The following WNK2 variants were observed in gnomAD, a reference collection of about 807,000 sequenced individuals.
WNK2 encodes serine/threonine-protein kinase WNK2.
Under a neutral mutation model 192.1 loss-of-function variants are expected in WNK2, and 67 were observed. The observed-to-expected ratio is 0.35, with a 90% CI of 0.29 to 0.43. The LOEUF (loss-of-function observed/expected upper bound fraction) is 0.43. Among genes scored for constraint, WNK2 ranks in the 20% least tolerant of loss-of-function variants. The probability of loss-of-function intolerance (pLI) is 1.00; values close to 1 mark genes in which losing one functional copy is unlikely to be tolerated. For synonymous variants in WNK2, 1,439 were observed against 1,393.9 expected, an observed-to-expected ratio of 1.03 and a Z score of -0.72; for missense variants, 2,698 against 3,089.7, an observed-to-expected ratio of 0.87 and a Z score of 3.01.
At chr9:93,253,172 CAG>C (rs1842831957) in intron 9 of WNK2, 90 bp downstream of exon 9, 1 of 1,134,672 alleles carries the variant, frequency 8.8e-7, no homozygotes, top group African/African-American at 1.6e-5. Context: ...ATGGGCTGTC[CAG>C]GCTGCACTGC....
intron 5 of WNK2, among the ~76,000 whole-genome samples, chr9:93,237,407 C>A (rs993856404): frequency 6.6e-6 from 1 of 152,184 alleles, no homozygotes. Context: ...CAGGTTCACT[C>A]GTCTTTTTTC....
intron 19 of WNK2, among the ~76,000 whole-genome samples, chr9:93,283,880 A>G (rs1289656857): frequency 6.6e-6 from 1 of 152,218 alleles, no homozygotes; most frequent in Non-Finnish European, 1.5e-5. Context: ...TTGGAGTGCC[A>G]CTACCCAACA....
At chr9:93,319,302 G>A in intron 29 of WNK2, 1 of 1,452,588 alleles carries the variant, frequency 6.9e-7, no homozygotes, top group Non-Finnish European at 9.1e-7. Context: ...AGCCAGTTCT[G>A]GGCTCAGCTG....
At chr9:93,266,857 T>G (rs1845244638) in intron 16 of WNK2, among the ~76,000 whole-genome samples, 1 of 152,090 alleles carries the variant, frequency 6.6e-6, no homozygotes, top group South Asian at 2.1e-4. Context: ...AGCATCTCGG[T>G]GACTGCAGAG....
chr9:93,311,609 T>TGTTTGTGTGTGTG (rs1554755193), intron 28 of WNK2, among the ~76,000 whole-genome samples: 1 of 30,712 alleles, frequency 3.3e-5, no homozygotes, highest in African/African-American at 8.0e-5. Flanking sequence ...CTGGGTTTTT[T>TGTTTGTGTGTGTG]TGTTTGTGTG....
intron 2 of WNK2, among the ~76,000 whole-genome samples, chr9:93,190,232 A>C (rs1184560819): frequency 6.6e-6 from 1 of 152,088 alleles, no homozygotes; most frequent in Non-Finnish European, 1.5e-5. Context: ...TGTGGGCGCC[A>C]AGCTCTCAGT....
rs1849062477 is a variant in WNK2 at position 93,289,984 on chromosome 9, A to G, written c.4873A>G (p.Lys1625Glu). The change falls in exon 21 of 30, where the codon AAG becomes GAG. Residue 1625 changes from lysine (K) to glutamate (E), a missense_variant. Physicochemically the swap from Lys to Glu is moderately conservative, Grantham distance 56 (BLOSUM62 1). This residue lies in a region of WNK2 where 1,098 missense variants were observed against 1,101.0 expected (regional missense o/e 1.00). Coordinates refer to ENST00000427277, the MANE Select transcript of WNK2 (RefSeq NM_006648.4). The stretch of plus-strand genomic sequence containing the variant: ...TTTGTGTTTCTTTCTCCAGGTGGAG[A>G]AGTCAGAACTGGCCCCCACTCGAGG... ...RVQLPQPLVE[K>E]SELAPTRGAV... 6.4e-7 allele frequency: 1 copy of G among 1,571,724 alleles called. No homozygotes were observed. The highest frequency in any genetic ancestry group is 8.6e-7 in the Non-Finnish European group (1 of 1,157,536).
At chr9:93,208,737 G>GTGTTCTTTGTA in intron 2 of WNK2, among the ~76,000 whole-genome samples, 6 of 456 alleles carry the variant, frequency 0.013, no homozygotes, top group Admixed American at 0.062. Context: ...CGTGTTCTGT[G>GTGTTCTTTGTA]TGTGTTCATG....
At chr9:93,260,688 G>A (rs1844081692) in intron 12 of WNK2, among the ~76,000 whole-genome samples, 1 of 152,220 alleles carries the variant, frequency 6.6e-6, no homozygotes, top group Non-Finnish European at 1.5e-5. Flanking sequence ...AGAGAAGGAA[G>A]GGATGGTACA....
chr9:93,204,538 CCAAGGTG>C (rs1489999851), intron 2 of WNK2, among the ~76,000 whole-genome samples: 1 of 152,168 alleles, frequency 6.6e-6, no homozygotes, highest in Non-Finnish European at 1.5e-5. Flanking sequence ...TGTCGGGTAC[CCAAGGTG>C]CCTGGCATGG....
At chr9:93,212,457 CT>C (rs1393832342) in intron 2 of WNK2, among the ~76,000 whole-genome samples, 1 of 152,208 alleles carries the variant, frequency 6.6e-6, no homozygotes, top group Admixed American at 6.5e-5. Flanking sequence ...CTCAGAGGCT[CT>C]TATCTTGAGC....
Position 93,320,495 on chromosome 9 carries a change from A to G in WNK2, c.*103A>G. On this transcript the variant is annotated 3_prime_UTR_variant, in exon 30 of 30. Transcript: ENST00000427277. The stretch of plus-strand genomic sequence containing the variant: ...GTCCAGTTCACGCTGTTTTGTAACC[A>G]CTTTCTAAGCATTTTTTATTCACAA... 8.3e-7 allele frequency: 1 copy of G among 1,198,726 alleles called. No homozygotes were observed. The highest frequency in any genetic ancestry group is 1.1e-6 in the Non-Finnish European group (1 of 879,996). The allele number at this position is 1,198,726 out of a possible 1,614,324, so 74.3% of individuals were successfully genotyped here. A position where few individuals can be genotyped will look rare whatever the true frequency, so the allele number is the denominator to read the frequency against.
At chr9:93,232,378 A>G (rs886691172) in intron 4 of WNK2, among the ~76,000 whole-genome samples, 1 of 152,076 alleles carries the variant, frequency 6.6e-6, no homozygotes, top group Non-Finnish European at 1.5e-5. Context: ...AAATGGGTAT[A>G]TAGGTGAGGG....
At chr9:93,251,092 T>C (rs1161903145) in intron 8 of WNK2, among the ~76,000 whole-genome samples, 2 of 151,422 alleles carry the variant, frequency 1.3e-5, no homozygotes, top group African/African-American at 4.9e-5. Flanking sequence ...TGGCCCATAT[T>C]CACTTTATTT....
At chr9:93,186,061 T>C (rs1829264400) in intron 2 of WNK2, among the ~76,000 whole-genome samples, 1 of 152,172 alleles carries the variant, frequency 6.6e-6, no homozygotes, top group South Asian at 2.1e-4. Flanking sequence ...TTGGGGGCTC[T>C]GGGCTGCCCA....
intron 2 of WNK2, among the ~76,000 whole-genome samples, chr9:93,217,501 C>A (rs1428751521): frequency 6.6e-6 from 1 of 152,122 alleles, no homozygotes; most frequent in Non-Finnish European, 1.5e-5. Flanking sequence ...GTGCTGTGTA[C>A]CTGCCGTCTC....
intron 2 of WNK2, among the ~76,000 whole-genome samples, chr9:93,195,023 A>T (rs1196914740): frequency 9.9e-6 from 1 of 101,086 alleles, no homozygotes; most frequent in Non-Finnish European, 1.9e-5. Context: ...GAAGACAGTT[A>T]AAAAAAAAAA....
Position 93,185,179 on chromosome 9 carries a change from C to T in WNK2, c.250C>T (p.Leu84Phe). ...RVLLLCKTRR[L>F]IAERARGRPA... is the part of the protein sequence containing the mutation. ...GCTTCTGCTCTGCAAGACGCGCCGCCTCATCGCGGAGCGCGCCCGCGGACG... is the reference window on the plus strand; with the variant it reads ...GCTTCTGCTCTGCAAGACGCGCCGCTTCATCGCGGAGCGCGCCCGCGGACG... The change falls in exon 2 of 30, where the codon CTC (leucine) becomes TTC (phenylalanine). Residue 84 changes from leucine to phenylalanine, a missense_variant. Leu to Phe is a conservative substitution (Grantham distance 22). Transcript: ENST00000427277. 1.7e-6 allele frequency: 2 copies of T among 1,205,618 alleles called. No homozygotes were observed. The highest frequency in any genetic ancestry group is 2.1e-6 in the Non-Finnish European group (2 of 967,300). 74.7% of individuals were successfully genotyped at this position (1,205,618 alleles called of 1,614,324 possible).
intron 3 of WNK2, 95 bp from the exon 4 acceptor site, chr9:93,230,793 C>T (rs2132035357): frequency 8.6e-7 from 1 of 1,163,678 alleles, no homozygotes; most frequent in East Asian, 2.6e-5. Flanking sequence ...CGGGAATGGA[C>T]TTTGTACCAG....
Sources: allele counts gnomAD v4.1 joint callset (sites outside exome capture counted in the v4.1 genomes callset), GRCh38; gene constraint gnomAD v4.1.1; regional missense constraint gnomAD v4.1.1; transcripts MANE v1.5; gene names NCBI Gene and HGNC (gene_info 2026-07-23, HGNC 2026-07-21).